Variants in DOK6 observed in about 807,000 individuals in gnomAD.
DOK6 encodes docking protein 6.
Under a neutral mutation model 44.0 loss-of-function variants are expected in DOK6, and 22 were observed. That is an observed-to-expected ratio of 0.50 (90% CI 0.36 to 0.71). The LOEUF is 0.71. Ranked by LOEUF, DOK6 falls within the 30% of genes least tolerant of loss-of-function variation. The pLI, the probability that DOK6 is intolerant of heterozygous loss-of-function variation, is 0.00. For synonymous variants in DOK6, 166 were observed against 145.5 expected (o/e 1.14, Z -1.01); for missense variants, 340 against 416.4 (o/e 0.82, Z 1.60).
Position 69,551,100 on chromosome 18 carries a change from G to A in DOK6, c.67-13387G>A, listed in dbSNP as rs778814163. Among the ~76,000 whole-genome samples the A allele has an allele frequency of 5.0e-4, 76 of 152,208 alleles. 1 individual carries two copies. Among genetic ancestry groups the A allele is most frequent in the Admixed American group, 2.2e-3 (33 of 15,280 alleles). On this transcript the variant is annotated intron_variant, in intron 1 of 7. Transcript: ENST00000382713. ...AGCAGTAGAAAGGAAAAAAACATTA[G>A]TGAAAGGATGAAGTTGAATTTTTGA... is the stretch of plus-strand genomic sequence containing the variant.
At chr18:69,759,360 C>T (rs774176222) in intron 7 of DOK6, among the ~76,000 whole-genome samples, 1 of 151,966 alleles carries the variant, frequency 6.6e-6, no homozygotes, top group African/African-American at 2.4e-5. Flanking sequence ...TTTATTTAAA[C>T]ATATGTTTAA....
chr18:69,627,759 A>G (rs1984593486), intron 3 of DOK6, among the ~76,000 whole-genome samples: 1 of 152,092 alleles, frequency 6.6e-6, no homozygotes. Flanking sequence ...TCACCTTCCT[A>G]AACTTTTCTA....
At chr18:69,811,005 C>A (rs1190575536) in intron 7 of DOK6, among the ~76,000 whole-genome samples, 1 of 152,000 alleles carries the variant, frequency 6.6e-6, no homozygotes, top group Non-Finnish European at 1.5e-5. Flanking sequence ...TACTGTCATG[C>A]TTACCATAGC....
chr18:69,485,169 AT>A (rs1462977319), intron 1 of DOK6, among the ~76,000 whole-genome samples: 2 of 152,136 alleles, frequency 1.3e-5, no homozygotes, highest in Non-Finnish European at 2.9e-5. Context: ...GATTTGTGGA[AT>A]CAACTGTTCA....
intron 2 of DOK6, among the ~76,000 whole-genome samples, chr18:69,580,037 A>G (rs974909690): frequency 1.3e-5 from 2 of 152,216 alleles, no homozygotes; most frequent in African/African-American, 4.8e-5. Context: ...AATACTAACA[A>G]TAATTGAAGT....
intron 1 of DOK6, among the ~76,000 whole-genome samples, chr18:69,462,016 A>C (rs577906842): frequency 1.3e-5 from 2 of 152,196 alleles, no homozygotes; most frequent in African/African-American, 4.8e-5. Context: ...CATTTTCAAA[A>C]GGAAGACAAA....
At chr18:69,701,108 A>C (rs1363072453) in intron 5 of DOK6, among the ~76,000 whole-genome samples, 2 of 150,606 alleles carry the variant, frequency 1.3e-5, no homozygotes, top group African/African-American at 5.0e-5. Flanking sequence ...TGACATGTAG[A>C]CATGAACAGT....
At chr18:69,685,111 C>A (rs887863511) in intron 4 of DOK6, among the ~76,000 whole-genome samples, 2 of 152,008 alleles carry the variant, frequency 1.3e-5, no homozygotes, top group African/African-American at 4.8e-5. Context: ...TAAGTGAGTC[C>A]TCATTTGACA....
chr18:69,795,357 T>C (rs1377632388), intron 7 of DOK6, among the ~76,000 whole-genome samples: 2 of 152,132 alleles, frequency 1.3e-5, no homozygotes, highest in Non-Finnish European at 2.9e-5. Context: ...ATTCAGAATA[T>C]GTTTTACAAT....
chr18:69,835,766 A>T (rs1982037353), intron 7 of DOK6, among the ~76,000 whole-genome samples: 1 of 152,116 alleles, frequency 6.6e-6, no homozygotes, highest in African/African-American at 2.4e-5. Context: ...TATTTATCAC[A>T]TTGTTTGTTG....
chr18:69,548,815 C>T (rs1007160632), intron 1 of DOK6, among the ~76,000 whole-genome samples: 4 of 151,426 alleles, frequency 2.6e-5, no homozygotes, highest in East Asian at 1.9e-4. Flanking sequence ...CTACCTTGGC[C>T]GGGCGCGGTG....
chr18:69,401,169 G>C lies in DOK6; in HGVS notation c.-76G>C, dbSNP rs1323984866. ...GCGGCCGGCTGGATGCGAGACCCGC[G>C]CAGACCCGGCGGCGGACGGCGGCTC... On this transcript the variant is annotated 5_prime_UTR_variant, in exon 1 of 8. Transcript: ENST00000382713. The C allele has an allele frequency of 6.2e-6, 9 of 1,446,856 alleles. No homozygotes were observed. Among genetic ancestry groups the C allele is most frequent in the Non-Finnish European group, 7.3e-6 (8 of 1,089,834 alleles). The allele number at this position is 1,446,856 out of a possible 1,614,324, so 89.6% of individuals were successfully genotyped here.
intron 7 of DOK6, among the ~76,000 whole-genome samples, chr18:69,791,468 T>C (rs765303013): frequency 6.6e-6 from 1 of 152,176 alleles, no homozygotes; most frequent in Non-Finnish European, 1.5e-5. Flanking sequence ...GGATGATACC[T>C]CAATGTAGTT....
At chr18:69,677,132 C>T (rs1181417599) in intron 3 of DOK6, among the ~76,000 whole-genome samples, 1 of 151,954 alleles carries the variant, frequency 6.6e-6, no homozygotes, top group Non-Finnish European at 1.5e-5. Context: ...ATTTATGATC[C>T]ATTACAATTC....
chr18:69,840,192 G>A (rs976609185), intron 7 of DOK6, among the ~76,000 whole-genome samples: 5 of 152,230 alleles, frequency 3.3e-5, no homozygotes, highest in African/African-American at 1.2e-4. Context: ...GTCGGTGCTC[G>A]GCGTTAACAG....
chr18:69,419,644 A>G (rs1247664696), intron 1 of DOK6, among the ~76,000 whole-genome samples: 3 of 152,114 alleles, frequency 2.0e-5, no homozygotes, highest in African/African-American at 7.2e-5. Flanking sequence ...ATGTGTTAGT[A>G]TATGTTTAAT....
intron 1 of DOK6, among the ~76,000 whole-genome samples, chr18:69,499,282 ATTAC>A (rs1186865090): frequency 2.0e-5 from 3 of 152,058 alleles, no homozygotes; most frequent in African/African-American, 7.2e-5. Context: ...GGCTAAGAAG[ATTAC>A]TTGTTTAGTT....
At chr18:69,716,461 G>T (rs746298074) in intron 5 of DOK6, among the ~76,000 whole-genome samples, 3 of 152,094 alleles carry the variant, frequency 2.0e-5, no homozygotes, top group African/African-American at 4.8e-5. Flanking sequence ...CTTCACTTTG[G>T]AAATGATGAA....
At chr18:69,469,259 T>G (rs1441056221) in intron 1 of DOK6, among the ~76,000 whole-genome samples, 1 of 152,122 alleles carries the variant, frequency 6.6e-6, no homozygotes, top group South Asian at 2.1e-4. Context: ...AATAAGGAGA[T>G]TTTACCTTTT....
Sources: gnomAD v4.1 joint callset for allele counts (sites outside exome capture counted in the v4.1 genomes callset) on GRCh38, gnomAD v4.1.1 for gene constraint, MANE v1.5 for transcripts, NCBI Gene and HGNC (gene_info 2026-07-23, HGNC 2026-07-21) for gene names.